NBAS: variants seen among roughly 807,000 people sequenced by gnomAD.
NBAS encodes NBAS subunit of NRZ tethering complex.
In NBAS, 219 loss-of-function variants were observed where a neutral mutation model predicts 302.5. That is an observed-to-expected ratio of 0.72 (90% CI 0.65 to 0.81). The LOEUF is 0.81. Ranked by LOEUF, NBAS falls within the 30% of genes least tolerant of loss-of-function variation. The probability of loss-of-function intolerance (pLI) is 0.00; values close to 1 mark genes in which losing one functional copy is unlikely to be tolerated. For synonymous variants in NBAS, 1,118 were observed against 1,021.6 expected, an observed-to-expected ratio of 1.09 and a Z score of -1.80; for missense variants, 2,932 against 2,841.6, an observed-to-expected ratio of 1.03 and a Z score of -0.72.
chr2:15,548,972 G>T (rs561159513), intron 6 of NBAS, among the ~76,000 whole-genome samples: 2 of 152,036 alleles, frequency 1.3e-5, no homozygotes, highest in Non-Finnish European at 2.9e-5. Flanking sequence ...GTCTTTTATC[G>T]TAAATTAGAA....
chr2:15,129,852 C>T, the NBAS span, among the ~76,000 whole-genome samples: 2 of 152,208 alleles, frequency 1.3e-5, no homozygotes, highest in African/African-American at 4.8e-5. Flanking sequence ...CACACATTTC[C>T]TAGGAGCAAA....
chr2:15,103,549 T>C, the NBAS span, among the ~76,000 whole-genome samples: 1 of 152,178 alleles, frequency 6.6e-6, no homozygotes, highest in Non-Finnish European at 1.5e-5. Context: ...CCCACTACTA[T>C]ATTGTAAGTT....
rs35829638 is a variant in NBAS at position 15,396,384 on chromosome 2, A to AG, written c.3134+28dup. 1.8e-3 allele frequency: 2,697 copies of AG among 1,510,862 alleles called. 15 individuals are homozygous for AG. The African/African-American group carries it at 0.023, about 13-fold the overall frequency. The allele number at this position is 1,510,862 out of a possible 1,614,324, so 93.6% of individuals were successfully genotyped here. ...GGACAAATTCCCTTAATAAGCATGG[A>AG]GAAAAAAAAAAACTGTCATTTTTCT... On this transcript the variant is annotated intron_variant, in intron 27 of 51. Transcript: ENST00000281513.
intron 6 of NBAS, among the ~76,000 whole-genome samples, chr2:15,547,777 G>A (rs184090623): frequency 2.9e-4 from 44 of 152,212 alleles, no homozygotes; most frequent in Middle Eastern, 3.4e-3. Context: ...TTATTCTTCT[G>A]GCAACTTCTT....
chr2:15,149,712 T>TATAGGAGG, the NBAS span, among the ~76,000 whole-genome samples: 1 of 152,126 alleles, frequency 6.6e-6, no homozygotes, highest in Admixed American at 6.5e-5. Flanking sequence ...TCCTCCTACC[T>TATAGGAGG]CAGCCTCCTA....
chr2:14,941,674 A>G, the NBAS span, among the ~76,000 whole-genome samples: 3 of 152,150 alleles, frequency 2.0e-5, no homozygotes, highest in Non-Finnish European at 4.4e-5. Context: ...CTCAATTAGG[A>G]GATTGTTAAA....
intron 40 of NBAS, among the ~76,000 whole-genome samples, chr2:15,306,652 T>C (rs1233101195): frequency 6.6e-6 from 1 of 152,166 alleles, no homozygotes; most frequent in South Asian, 2.1e-4. Flanking sequence ...CTTTCTACCA[T>C]GTGGAAGAAC....
At position 15,467,718 on chromosome 2, in the gene NBAS, T is replaced by C. The variant is rs4668909; in HGVS notation, c.1964A>G (p.Lys655Arg). The change falls in exon 18 of 52, where the codon AAG becomes AGG. Residue 655 changes from lysine (K) to arginine (R), a missense_variant. By Grantham distance (26) the Lys-to-Arg change is conservative. Transcript: ENST00000281513. The part of the protein sequence containing the change: ...PPDEEPAKNK[K>R]EKELKKRQEL... ...TTGTCTCTTCTTGAGCTCCTTTTCC[T>C]TTTTATTCTTGGCAGGCTCTTCATC... is the stretch of plus-strand genomic sequence containing the variant. The C allele has an allele frequency of 0.62, 997,856 of 1,610,336 alleles. 324,034 individuals are homozygous for C. Among genetic ancestry groups the C allele is most frequent in the Non-Finnish European group, 0.68 (796,334 of 1,177,194 alleles).
chr2:14,882,366 A>G, the NBAS span, among the ~76,000 whole-genome samples: 2 of 152,184 alleles, frequency 1.3e-5, no homozygotes, highest in Non-Finnish European at 2.9e-5. Context: ...TTTTAACTTC[A>G]TAATTATAAG....
the NBAS span, among the ~76,000 whole-genome samples, chr2:15,044,386 T>C: frequency 6.6e-6 from 1 of 152,226 alleles, no homozygotes; most frequent in Non-Finnish European, 1.5e-5. Context: ...TCAGCTATAC[T>C]CAAGCCTATT....
At chr2:15,089,172 G>A in the NBAS span, among the ~76,000 whole-genome samples, 1 of 152,036 alleles carries the variant, frequency 6.6e-6, no homozygotes, top group African/African-American at 2.4e-5. Flanking sequence ...TGTAGAGATA[G>A]GGGCTCACCA....
At chr2:14,793,070 C>T in the NBAS span, among the ~76,000 whole-genome samples, 2 of 44,904 alleles carry the variant, frequency 4.5e-5, no homozygotes, top group African/African-American at 2.4e-4. Context: ...GTCTCTGTTT[C>T]TCTCTCTCTC....
intron 6 of NBAS, among the ~76,000 whole-genome samples, chr2:15,545,884 CTA>C (rs1173024987): frequency 2.0e-5 from 3 of 152,172 alleles, no homozygotes. Context: ...CAATAATCTG[CTA>C]TGTTTTACAC....
chr2:14,922,101 T>C, the NBAS span, among the ~76,000 whole-genome samples: 3 of 152,166 alleles, frequency 2.0e-5, no homozygotes, highest in African/African-American at 7.2e-5. Context: ...CCTCTGAGTA[T>C]TTCACCAGCT....
chr2:15,017,934 T>C, the NBAS span, among the ~76,000 whole-genome samples: 4,279 of 152,176 alleles, frequency 0.028, 188 homozygotes, highest in East Asian at 0.09. Context: ...ATGTGGTATA[T>C]ATACACAATT....
chr2:15,155,892 T>C, the NBAS span, among the ~76,000 whole-genome samples: 1 of 152,164 alleles, frequency 6.6e-6, no homozygotes, highest in Non-Finnish European at 1.5e-5. Flanking sequence ...CAATAACAAC[T>C]CATCACCGGG....
chr2:14,891,530 A>G, the NBAS span, among the ~76,000 whole-genome samples: 1 of 152,172 alleles, frequency 6.6e-6, no homozygotes, highest in Non-Finnish European at 1.5e-5. Context: ...CAGTGCATCC[A>G]TTTTTCCAGA....
chr2:14,924,616 C>T, the NBAS span, among the ~76,000 whole-genome samples: 228 of 152,218 alleles, frequency 1.5e-3, no homozygotes, highest in African/African-American at 4.7e-3. Context: ...AATAATGTCC[C>T]GATAATCTGA....
chr2:15,377,389 C>A (rs569686288), intron 30 of NBAS, among the ~76,000 whole-genome samples: 1 of 152,182 alleles, frequency 6.6e-6, no homozygotes, highest in Non-Finnish European at 1.5e-5. Flanking sequence ...ATAACAAAGA[C>A]CAAAATTTTG....
Sources: gnomAD v4.1 joint callset for allele counts (sites outside exome capture counted in the v4.1 genomes callset) on GRCh38, gnomAD v4.1.1 for gene constraint, MANE v1.5 for transcripts, NCBI Gene and HGNC (gene_info 2026-07-23, HGNC 2026-07-21) for gene names.